Variants in CACNA2D3 observed in about 807,000 individuals in gnomAD.
The protein encoded by CACNA2D3 is voltage-dependent calcium channel subunit alpha-2/delta-3.
In CACNA2D3, 60 loss-of-function variants were observed where a neutral mutation model predicts 160.6. The ratio of observed to expected loss-of-function variants is 0.37; its 90% CI spans 0.30 to 0.46. CACNA2D3 has a LOEUF of 0.46. Among genes scored for constraint, CACNA2D3 ranks in the 20% least tolerant of loss-of-function variants. The pLI is 1.00. For missense variants in CACNA2D3, 1,205 were observed against 1,365.0 expected (o/e 0.88, Z 1.85); for synonymous variants, 558 against 492.9 (o/e 1.13, Z -1.75).
intron 3 of CACNA2D3, among the ~76,000 whole-genome samples, chr3:54,326,736 C>T (rs1384180378): frequency 6.6e-6 from 1 of 152,138 alleles, no homozygotes; most frequent in African/African-American, 2.4e-5. Flanking sequence ...AGTTCTCAGG[C>T]AGTGGAGGTA....
At chr3:54,654,502 C>T (rs1699839111) in intron 11 of CACNA2D3, among the ~76,000 whole-genome samples, 1 of 152,052 alleles carries the variant, frequency 6.6e-6, no homozygotes. Flanking sequence ...TCTAGGTTTT[C>T]TTGGAAGTAG....
intron 2 of CACNA2D3, among the ~76,000 whole-genome samples, chr3:54,125,312 A>G (rs567505256): frequency 2.0e-5 from 3 of 151,906 alleles, no homozygotes; most frequent in South Asian, 2.1e-4. Context: ...TTGCTACTCT[A>G]TAACAGCAAA....
intron 10 of CACNA2D3, among the ~76,000 whole-genome samples, chr3:54,636,128 T>C (rs899959523): frequency 6.6e-6 from 1 of 151,886 alleles, no homozygotes; most frequent in Non-Finnish European, 1.5e-5. Context: ...AGGATAGATT[T>C]CCACGATGGA....
chr3:54,352,422 C>G (rs1440309636), intron 3 of CACNA2D3, among the ~76,000 whole-genome samples: 1 of 152,184 alleles, frequency 6.6e-6, no homozygotes, highest in African/African-American at 2.4e-5. Flanking sequence ...TCAATAAATG[C>G]TTGTTAAAGT....
chr3:54,744,147 C>A (rs1423900956), intron 11 of CACNA2D3, among the ~76,000 whole-genome samples: 1 of 152,172 alleles, frequency 6.6e-6, no homozygotes, highest in Non-Finnish European at 1.5e-5. Flanking sequence ...TATGACTATT[C>A]TGGATCTGAA....
chr3:54,972,429 G>T (rs1435448793), intron 29 of CACNA2D3, among the ~76,000 whole-genome samples: 2 of 152,132 alleles, frequency 1.3e-5, no homozygotes, highest in East Asian at 3.9e-4. Context: ...GCAGACTCTT[G>T]CCATGTGTCA....
chr3:54,334,100 A>T (rs1020451825), intron 3 of CACNA2D3, among the ~76,000 whole-genome samples: 1 of 151,392 alleles, frequency 6.6e-6, no homozygotes, highest in Non-Finnish European at 1.5e-5. Flanking sequence ...ATTTAATTTA[A>T]TTTTTTTTTG....
chr3:54,149,276 C>CACACACAT (rs1284295066), intron 2 of CACNA2D3, among the ~76,000 whole-genome samples: 4 of 151,424 alleles, frequency 2.6e-5, no homozygotes, highest in African/African-American at 7.3e-5. Context: ...TGCACACACA[C>CACACACAT]ACACACACAC....
At chr3:54,542,804 C>T (rs1045651434) in intron 5 of CACNA2D3, among the ~76,000 whole-genome samples, 1 of 152,180 alleles carries the variant, frequency 6.6e-6, no homozygotes, top group Non-Finnish European at 1.5e-5. Context: ...TTCACAGTCA[C>T]ACCGAGGAAC....
At chr3:54,313,261 C>T (rs181708247) in intron 2 of CACNA2D3, among the ~76,000 whole-genome samples, 1 of 152,064 alleles carries the variant, frequency 6.6e-6, no homozygotes, top group African/African-American at 2.4e-5. Context: ...GTGTCTGGCC[C>T]CTAGAACCCT....
chr3:54,565,025 C>A (rs1702387020), intron 6 of CACNA2D3, among the ~76,000 whole-genome samples: 1 of 152,120 alleles, frequency 6.6e-6, no homozygotes, highest in African/African-American at 2.4e-5. Flanking sequence ...GGGGAACAGG[C>A]CTGGCAGGAT....
At chr3:54,660,941 T>G (rs971332035) in intron 11 of CACNA2D3, among the ~76,000 whole-genome samples, 2 of 152,188 alleles carry the variant, frequency 1.3e-5, no homozygotes, top group Non-Finnish European at 2.9e-5. Flanking sequence ...CAGCTGAGGT[T>G]GGTGACTGAT....
chr3:54,440,714 C>G (rs1414445760), intron 4 of CACNA2D3, among the ~76,000 whole-genome samples: 1 of 152,116 alleles, frequency 6.6e-6, no homozygotes, highest in Non-Finnish European at 1.5e-5. Context: ...TCAATTCCCA[C>G]CTATGAGTGA....
Position 54,816,870 on chromosome 3 carries a change from G to A in CACNA2D3, c.1398G>A (p.Lys466=), listed in dbSNP as rs1575492559. The A allele has an allele frequency of 6.2e-7, 1 of 1,613,656 alleles. No individual in the cohort carries two copies. The highest frequency in any genetic ancestry group is 8.5e-7 in the Non-Finnish European group (1 of 1,179,804). ...YIDSTLPQAQ[K]LTDDQGPVLM... is the part of the protein sequence containing the mutation. ...CCCTTCAGCTCCCTCAGGCACAAAA[G>A]GTAAATTCTCTTCTGTCACATTCCA... The change falls in exon 14 of 38, where the codon AAG becomes AAA. Residue 466 remains lysine, a splice_region_variant and synonymous_variant. Coordinates refer to ENST00000474759, the MANE Select transcript of CACNA2D3 (RefSeq NM_018398.3).
chr3:54,367,220 A>G (rs543647856), intron 3 of CACNA2D3, among the ~76,000 whole-genome samples: 49 of 152,236 alleles, frequency 3.2e-4, no homozygotes, highest in African/African-American at 8.9e-4. Flanking sequence ...GGATTAACCA[A>G]TATTTCTGTG....
chr3:54,657,779 A>C (rs960277147), intron 11 of CACNA2D3, among the ~76,000 whole-genome samples: 1 of 152,192 alleles, frequency 6.6e-6, no homozygotes, highest in Non-Finnish European at 1.5e-5. Context: ...CTGTAATCCC[A>C]GCACTTTGGG....
At chr3:54,728,723 A>G (rs189971444) in intron 11 of CACNA2D3, among the ~76,000 whole-genome samples, 5 of 152,340 alleles carry the variant, frequency 3.3e-5, no homozygotes, top group African/African-American at 1.2e-4. Context: ...TGATCTAATT[A>G]CAACTTGTTT....
At chr3:54,624,322 T>C (rs555579008) in intron 9 of CACNA2D3, among the ~76,000 whole-genome samples, 14 of 152,268 alleles carry the variant, frequency 9.2e-5, no homozygotes, top group African/African-American at 3.1e-4. Flanking sequence ...GTGCAGGTTG[T>C]TTAAAAAAAT....
At position 54,350,968 on chromosome 3, in the gene CACNA2D3, G is replaced by T. The variant is rs1341842149; in HGVS notation, c.321+30410G>T. On this transcript the variant is annotated intron_variant, in intron 3 of 37. Transcript: ENST00000474759. The stretch of plus-strand genomic sequence containing the variant: ...GCTTGGATTTTGAGATCTTGAGTCT[G>T]TTTTTTTTTTTTTGTTTGTTTTTTT... 1.7e-3 allele frequency among the ~76,000 whole-genome samples: 94 copies of T among 56,106 alleles called. 3 individuals carry two copies. The highest frequency in any genetic ancestry group is 2.4e-3 in the Admixed American group (10 of 4,194). The allele number at this position is 56,106 out of a possible 152,430, so 36.8% of individuals were successfully genotyped here.
Sources: gnomAD v4.1 joint callset for allele counts (sites outside exome capture counted in the v4.1 genomes callset) on GRCh38, gnomAD v4.1.1 for gene constraint, MANE v1.5 for transcripts, NCBI Gene and HGNC (gene_info 2026-07-23, HGNC 2026-07-21) for gene names.